The following SENP7 variants were observed in gnomAD, a reference collection of about 807,000 sequenced individuals.
SENP7 encodes SUMO specific peptidase 7.
In SENP7, 64 loss-of-function variants were observed where a neutral mutation model predicts 141.2. The observed-to-expected ratio is 0.45, with a 90% confidence interval of 0.37 to 0.56. SENP7 has a LOEUF of 0.56. SENP7 is among the 20% of genes least tolerant of loss of function. The pLI, the probability that SENP7 is intolerant of heterozygous loss-of-function variation, is 0.00. For missense variants in SENP7, 1,025 were observed against 1,212.2 expected (o/e 0.85, Z 2.29); for synonymous variants, 382 against 426.4 (o/e 0.90, Z 1.28).
intron 11 of SENP7, among the ~76,000 whole-genome samples, chr3:101,351,990 TATAA>T (rs1381723031): frequency 6.6e-6 from 1 of 151,946 alleles, no homozygotes; most frequent in Non-Finnish European, 1.5e-5. Flanking sequence ...CTCTGGTAAA[TATAA>T]ATAGTCCATA....
At chr3:101,430,864 G>C (rs2062139573) in intron 4 of SENP7, among the ~76,000 whole-genome samples, 1 of 152,182 alleles carries the variant, frequency 6.6e-6, no homozygotes, top group Non-Finnish European at 1.5e-5. Context: ...GTGTCCCAGA[G>C]ATTCTGGTAT....
chr3:101,380,339 T>C (rs1576160500), intron 6 of SENP7, among the ~76,000 whole-genome samples: 1 of 151,978 alleles, frequency 6.6e-6, no homozygotes, highest in South Asian at 2.1e-4. Context: ...TAATTAACTT[T>C]GGACTTTGAT....
chr3:101,456,082 G>T (rs896563897), intron 4 of SENP7, among the ~76,000 whole-genome samples: 2 of 151,930 alleles, frequency 1.3e-5, no homozygotes, highest in Admixed American at 1.3e-4. Context: ...ACATTCCCCG[G>T]AAATATTTTA....
chr3:101,386,479 G>A (rs546893402), intron 6 of SENP7, among the ~76,000 whole-genome samples: 6 of 152,258 alleles, frequency 3.9e-5, no homozygotes, highest in East Asian at 3.9e-4. Flanking sequence ...CAGCTGCAAC[G>A]CAGTACCATT....
At chr3:101,512,887 C>G (rs11708616) in intron 1 of SENP7, among the ~76,000 whole-genome samples, 30 of 151,816 alleles carry the variant, frequency 2.0e-4, no homozygotes, top group African/African-American at 7.3e-4. Context: ...GAAGAGCGCC[C>G]GAGGCTTCGA....
At chr3:101,385,976 A>C (rs1414846524) in intron 6 of SENP7, among the ~76,000 whole-genome samples, 1 of 152,218 alleles carries the variant, frequency 6.6e-6, no homozygotes, top group Non-Finnish European at 1.5e-5. Flanking sequence ...AGATCTGTGA[A>C]AGGACAGATA....
Position 101,463,409 on chromosome 3 carries a change from A to G in SENP7, c.187-4357T>C, listed in dbSNP as rs553097031. Among the ~76,000 whole-genome samples, 683 of 126,228 alleles carry G rather than the reference A, an allele frequency of 5.4e-3. 7 individuals are homozygous for G. Among genetic ancestry groups the G allele is most frequent in the African/African-American group, 0.02 (638 of 31,758 alleles). The allele number at this position is 126,228 out of a possible 152,430, so 82.8% of individuals were successfully genotyped here. On this transcript the variant is annotated intron_variant, in intron 3 of 23. Coordinates refer to ENST00000394095, the MANE Select transcript of SENP7 (RefSeq NM_020654.5). ...TATATATATATATACATATATATAT[A>G]TATATATACACACACATATAAAATA...
intron 5 of SENP7, among the ~76,000 whole-genome samples, chr3:101,405,886 AAAGAAT>A (rs1357016443): frequency 6.6e-6 from 1 of 152,172 alleles, no homozygotes; most frequent in East Asian, 1.9e-4. Context: ...GACAAAGAAA[AAAGAAT>A]AAGAAAATAT....
At chr3:101,364,228 A>AAAAGAAAGAAAGAAAAAAAG (rs2059976914) in intron 10 of SENP7, among the ~76,000 whole-genome samples, 1 of 148,664 alleles carries the variant, frequency 6.7e-6, no homozygotes, top group African/African-American at 2.5e-5. Flanking sequence ...CCTTGTCTCA[A>AAAAGAAAGAAAGAAAAAAAG]AAAGAAAGAA....
intron 4 of SENP7, among the ~76,000 whole-genome samples, chr3:101,458,135 T>C (rs1445641620): frequency 6.6e-6 from 1 of 152,146 alleles, no homozygotes; most frequent in African/African-American, 2.4e-5. Flanking sequence ...ATCCATGGTA[T>C]GGTAATAATG....
At chr3:101,442,165 C>G (rs1047050504) in intron 4 of SENP7, among the ~76,000 whole-genome samples, 1 of 152,118 alleles carries the variant, frequency 6.6e-6, no homozygotes, top group African/African-American at 2.4e-5. Context: ...CAAAAAAATA[C>G]AATAATTCTC....
intron 1 of SENP7, among the ~76,000 whole-genome samples, chr3:101,504,039 A>T (rs953343273): frequency 2.0e-5 from 3 of 152,212 alleles, no homozygotes; most frequent in African/African-American, 7.2e-5. Flanking sequence ...AACTAATGAA[A>T]TATAGACTAC....
At chr3:101,496,585 T>TC (rs2065166815) in intron 2 of SENP7, among the ~76,000 whole-genome samples, 2 of 150,840 alleles carry the variant, frequency 1.3e-5, no homozygotes, top group South Asian at 4.2e-4. Flanking sequence ...ACACTTTTTT[T>TC]TTTTTTTTTT....
chr3:101,426,191 G>C (rs2061951940), intron 4 of SENP7, among the ~76,000 whole-genome samples: 2 of 152,222 alleles, frequency 1.3e-5, no homozygotes, highest in South Asian at 2.1e-4. Flanking sequence ...CCCCAGCCTA[G>C]CTAGAGAGGC....
chr3:101,330,045 T>C (rs2059008748), intron 20 of SENP7, among the ~76,000 whole-genome samples: 1 of 151,672 alleles, frequency 6.6e-6, no homozygotes, highest in South Asian at 2.1e-4. Context: ...AAAAAGTTAC[T>C]GACATAAATA....
At chr3:101,477,872 GA>G (rs1008208443) in intron 3 of SENP7, among the ~76,000 whole-genome samples, 6 of 143,946 alleles carry the variant, frequency 4.2e-5, no homozygotes, top group East Asian at 4.1e-4. Flanking sequence ...AGTTAGTAGA[GA>G]AAAAAAAATA....
chr3:101,367,954 T>C lies in SENP7; in HGVS notation c.854A>G (p.Asp285Gly). ...DHLEQESRNK[D>G]VKYSDSKVEL... ...CACTTTTGAATCAGAATATTTAACA[T>C]CCTTGTTTCTGCTTTCCTGTTCGAG... The change falls in exon 8 of 24, where the codon GAT (aspartate) becomes GGT (glycine). Residue 285 changes from aspartate to glycine, a missense_variant. Asp to Gly is a moderately conservative substitution (Grantham distance 94). Coordinates refer to ENST00000394095, the MANE Select transcript of SENP7 (RefSeq NM_020654.5). 2 of 1,613,292 alleles carry C rather than the reference T, an allele frequency of 1.2e-6. No individual in the cohort carries two copies. The highest frequency in any genetic ancestry group is 1.7e-4 in the Middle Eastern group (1 of 6,054).
chr3:101,468,889 C>A (rs559004740), intron 3 of SENP7, among the ~76,000 whole-genome samples: 7 of 152,080 alleles, frequency 4.6e-5, no homozygotes, highest in African/African-American at 1.7e-4. Flanking sequence ...GGCTAAATAC[C>A]CCAATTAAAA....
rs1266394787 is a variant in SENP7 at position 101,356,248 on chromosome 3, T to A, written c.1624-4597A>T. Reference sequence around the variant, plus strand: ...TCTCCACTTACATTTTCATCATGCATCTCACATTTTAATCTCCTTATTCAT... The same window carrying A: ...TCTCCACTTACATTTTCATCATGCAACTCACATTTTAATCTCCTTATTCAT... On this transcript the variant is annotated intron_variant, in intron 11 of 23. Transcript: ENST00000394095. 2.0e-5 allele frequency among the ~76,000 whole-genome samples: 3 copies of A among 152,124 alleles called. No individual in the cohort carries two copies. The South Asian group carries it at 6.2e-4, about 31-fold the overall frequency.
Sources: gnomAD v4.1 joint callset for allele counts (sites outside exome capture counted in the v4.1 genomes callset) on GRCh38, gnomAD v4.1.1 for gene constraint, MANE v1.5 for transcripts, NCBI Gene and HGNC (gene_info 2026-07-23, HGNC 2026-07-21) for gene names.